Variants in NOX4 observed in about 807,000 individuals in gnomAD.
NOX4 encodes the protein NADPH oxidase 4, also known as kidney oxidase-1.
In NOX4, 69 loss-of-function variants were observed where a neutral mutation model predicts 87.6. The ratio of observed to expected loss-of-function variants is 0.79; its 90% CI spans 0.65 to 0.96. NOX4 has a LOEUF of 0.96. NOX4 is among the 40% of genes least tolerant of loss of function. NOX4 has a pLI of 0.00. For synonymous variants in NOX4, 275 were observed against 238.2 expected (o/e 1.15, Z -1.42); for missense variants, 680 against 681.5 (o/e 1.00, Z 0.02).
the NOX4 span, among the ~76,000 whole-genome samples, chr11:89,528,852 T>A: frequency 2.0e-3 from 309 of 152,306 alleles, 1 homozygote; most frequent in Non-Finnish European, 3.6e-3. Context: ...GACTGACAAA[T>A]CAATCAATTT....
At chr11:89,427,610 G>T (rs1022682870) in intron 7 of NOX4, among the ~76,000 whole-genome samples, 1 of 152,188 alleles carries the variant, frequency 6.6e-6, no homozygotes, top group Non-Finnish European at 1.5e-5. Flanking sequence ...TCAACTGGAA[G>T]AAAGGGTATC....
At chr11:89,543,637 A>C in the NOX4 span, among the ~76,000 whole-genome samples, 1 of 152,100 alleles carries the variant, frequency 6.6e-6, no homozygotes. Flanking sequence ...ACGCTGTCTA[A>C]AATTGATGCA....
chr11:89,415,614 C>T (rs3933084), intron 8 of NOX4, among the ~76,000 whole-genome samples: 66,978 of 151,860 alleles, frequency 0.44, 16,034 homozygotes, highest in African/African-American at 0.63. Flanking sequence ...TATGCAGATA[C>T]GTGTGTGTAT....
chr11:89,380,613 T>G (rs911567077), intron 11 of NOX4, among the ~76,000 whole-genome samples: 10 of 152,074 alleles, frequency 6.6e-5, no homozygotes, highest in Non-Finnish European at 1.5e-5. Flanking sequence ...TTCAATAGAT[T>G]TACCCTAAAT....
chr11:89,382,499 G>C (rs1235846294), intron 11 of NOX4, among the ~76,000 whole-genome samples: 1 of 151,964 alleles, frequency 6.6e-6, no homozygotes, highest in Non-Finnish European at 1.5e-5. Context: ...TCCCTCCCTA[G>C]TCTCTGTTCC....
intron 12 of NOX4, among the ~76,000 whole-genome samples, chr11:89,368,533 A>G (rs1939191527): frequency 6.6e-6 from 1 of 152,056 alleles, no homozygotes; most frequent in African/African-American, 2.4e-5. Flanking sequence ...AAAAGAGCAA[A>G]GGGGGAGGAA....
upstream of NOX4, among the ~76,000 whole-genome samples, chr11:89,500,061 G>A (rs1006874975): frequency 6.6e-6 from 1 of 152,030 alleles, no homozygotes; most frequent in Admixed American, 6.6e-5. Flanking sequence ...ACTCCCCTAA[G>A]TAATGTATTC....
chr11:89,515,284 G>GT, the NOX4 span, among the ~76,000 whole-genome samples: 9 of 151,594 alleles, frequency 5.9e-5, no homozygotes, highest in East Asian at 1.9e-4. Flanking sequence ...TTTAGCGTGA[G>GT]TTTTTTTTAG....
the NOX4 span, among the ~76,000 whole-genome samples, chr11:89,539,544 T>C: frequency 1.3e-5 from 2 of 152,302 alleles, no homozygotes; most frequent in African/African-American, 4.8e-5. Context: ...TCTTTTCCCA[T>C]TGGCTCTGTG....
upstream of NOX4, among the ~76,000 whole-genome samples, chr11:89,496,375 T>A (rs913686303): frequency 2.0e-5 from 3 of 152,188 alleles, no homozygotes; most frequent in African/African-American, 4.8e-5. Flanking sequence ...GAAAGCTTGT[T>A]GAATAAAACT....
At chr11:89,491,399 A>G (rs1946850230), upstream of NOX4, 2 of 683,838 alleles carry the variant, frequency 2.9e-6, no homozygotes. Context: ...CCCGGCGCCG[A>G]GCCAGCCCGG....
chr11:89,563,897 G>GTT, the NOX4 span, among the ~76,000 whole-genome samples: 2 of 152,050 alleles, frequency 1.3e-5, no homozygotes, highest in Admixed American at 1.3e-4. Context: ...TTGCAAATTT[G>GTT]TAAGTTCAAC....
At chr11:89,521,445 T>G in the NOX4 span, among the ~76,000 whole-genome samples, 2 of 152,066 alleles carry the variant, frequency 1.3e-5, no homozygotes, top group African/African-American at 2.4e-5. Flanking sequence ...GGCTCCATAT[T>G]CAATAAATGG....
the NOX4 span, among the ~76,000 whole-genome samples, chr11:89,524,379 T>C: frequency 6.6e-6 from 1 of 152,174 alleles, no homozygotes; most frequent in African/African-American, 2.4e-5. Context: ...TAACAAGTAC[T>C]GAGTACCTTC....
intron 12 of NOX4, 42 bp from the exon 13 acceptor site, chr11:89,355,085 A>G (rs772235349): frequency 1.4e-6 from 2 of 1,385,244 alleles, no homozygotes; most frequent in South Asian, 2.4e-5. Flanking sequence ...AAAAGATAAA[A>G]GTCATGAAAA....
At chr11:89,497,186 T>A (rs1946965229), upstream of NOX4, among the ~76,000 whole-genome samples, 1 of 152,186 alleles carries the variant, frequency 6.6e-6, no homozygotes, top group Admixed American at 6.5e-5. Context: ...CCAAAGACTG[T>A]TGTGTCTATT....
chr11:89,402,658 T>C, intron 8 of NOX4, 116 bp from the exon 9 acceptor site: 2 of 786,646 alleles, frequency 2.5e-6, no homozygotes, highest in Non-Finnish European at 4.1e-6. Flanking sequence ...TTACACAGCA[T>C]TTATCCAAAA....
chr11:89,574,879 G>A, the NOX4 span, among the ~76,000 whole-genome samples: 9,699 of 152,218 alleles, frequency 0.064, 442 homozygotes, highest in Non-Finnish European at 0.1. Context: ...ATACCAAGGC[G>A]TCATTAAAGA....
intron 6 of NOX4, 136 bp from the exon 7 acceptor site, chr11:89,432,992 T>C: frequency 1.6e-6 from 1 of 626,234 alleles, no homozygotes; most frequent in South Asian, 1.9e-5. Context: ...ACATGTATGT[T>C]CTCCCTCAAA....
Sources: allele counts gnomAD v4.1 joint callset (sites outside exome capture counted in the v4.1 genomes callset), GRCh38; gene constraint gnomAD v4.1.1; transcripts MANE v1.5; gene names NCBI Gene and HGNC (gene_info 2026-07-23, HGNC 2026-07-21).